The following BHLHE40 variants were observed in gnomAD, a reference collection of about 807,000 sequenced individuals.
BHLHE40 encodes basic helix-loop-helix family member e40.
In BHLHE40, 3 loss-of-function variants were observed where a neutral mutation model predicts 35.7. The ratio of observed to expected loss-of-function variants is 0.08; its 90% CI spans 0.04 to 0.22. The LOEUF (loss-of-function observed/expected upper bound fraction) is 0.22. Among genes scored for constraint, BHLHE40 ranks in the 10% least tolerant of loss-of-function variants. The pLI is 1.00. For synonymous variants in BHLHE40, 236 were observed against 213.0 expected (o/e 1.11, Z -0.94); for missense variants, 486 against 524.0 (o/e 0.93, Z 0.71).
At chr3:4,980,523 GGCGGGTGGCTCT>G in intron 3 of BHLHE40, 115 bp downstream of exon 3, 1 of 840,402 alleles carries the variant, frequency 1.2e-6, no homozygotes, top group Middle Eastern at 2.4e-4. Flanking sequence ...GATCAGAGCT[GGCGGGTGGCTCT>G]GCGGTGGGGT....
Position 4,982,818 on chromosome 3 carries a change from G to C in BHLHE40, c.383-18G>C. 1.2e-6 allele frequency: 2 copies of C among 1,613,462 alleles called. No homozygotes were observed. ...CAGGCCTTCTGAAACGTTTTCCTTC[G>C]GATTTTTCTTTCCCCAGGTGAGCTG... is the stretch of plus-strand genomic sequence containing the variant. On this transcript the variant is annotated intron_variant, in intron 4 of 4. Transcript: ENST00000256495.
rs748249405 is a variant in BHLHE40, at chr3:4,983,742, A to C, written c.*50A>C. The stretch of plus-strand genomic sequence containing the variant: ...TGCTTTCCTTCCTCGCTACTTCCTA[A>C]AAAGCAACAAAAAAGTTTTTGTGAA... On this transcript the variant is annotated 3_prime_UTR_variant, in exon 5 of 5. Transcript: ENST00000256495. This position sits in a 1 kb window ranked among gnomAD's most constrained non-coding sequence, Gnocchi z 5.0. The C allele has an allele frequency of 6.6e-7, 1 of 1,525,948 alleles. No individual in the cohort carries two copies. The highest frequency in any genetic ancestry group is 8.7e-7 in the Non-Finnish European group (1 of 1,143,938). The allele number at this position is 1,525,948 out of a possible 1,614,324, so 94.5% of individuals were successfully genotyped here. A position where few individuals can be genotyped will look rare whatever the true frequency, so the allele number is the denominator to read the frequency against.
At position 4,982,940 on chromosome 3, in the gene BHLHE40, A is replaced by C. The variant is rs2053210480; in HGVS notation, c.487A>C (p.Thr163Pro). ...VLQYLAKHEN[T>P]RDLKSSQLVT... Reference sequence around the variant, plus strand: ...TCAGTATCTGGCCAAGCACGAGAACACTCGGGACCTGAAGTCTTCGCAGCT... The same window carrying C: ...TCAGTATCTGGCCAAGCACGAGAACCCTCGGGACCTGAAGTCTTCGCAGCT... The change falls in exon 5 of 5, where the codon ACT becomes CCT. Residue 163 changes from threonine to proline, a missense_variant. By Grantham distance (38) the Thr-to-Pro change is conservative. Transcript: ENST00000256495. 6.2e-7 allele frequency: 1 copy of C among 1,614,006 alleles called. No individual in the cohort carries two copies. The highest frequency in any genetic ancestry group is 1.1e-5 in the South Asian group (1 of 91,064).
chr3:4,981,230 ATCTG>A (rs773402909), intron 3 of BHLHE40, among the ~76,000 whole-genome samples, 158 bp from the exon 4 acceptor site: 31 of 149,670 alleles, frequency 2.1e-4, no homozygotes, highest in Non-Finnish European at 7.4e-5. Context: ...ATATGAGTGT[ATCTG>A]TCTATCTTTT....
rs939550974 is a variant in BHLHE40, at chr3:4,981,531, G to C, written c.382+16G>C. 4 of 1,612,696 alleles carry C rather than the reference G, an allele frequency of 2.5e-6. No homozygotes were observed. Among genetic ancestry groups the C allele is most frequent in the African/African-American group, 2.7e-5 (2 of 74,868 alleles). ...TTACAAGCTGGTGAGTGCTGATTCT[G>C]GCTATGCTCTCTTTAAGAGTTTGAG... On this transcript the variant is annotated intron_variant, in intron 4 of 4. Coordinates refer to ENST00000256495, the MANE Select transcript of BHLHE40 (RefSeq NM_003670.3).
At position 4,983,860 on chromosome 3, in the gene BHLHE40, GCGT is replaced by G; in HGVS notation, c.*169_*171del. 1.5e-6 allele frequency: 1 copy of G among 681,840 alleles called. No individual in the cohort carries two copies. Among genetic ancestry groups the G allele is most frequent in the Non-Finnish European group, 2.2e-6 (1 of 455,084 alleles). 42.2% of individuals were successfully genotyped at this position (681,840 alleles called of 1,614,324 possible). On this transcript the variant is annotated 3_prime_UTR_variant, in exon 5 of 5. Coordinates refer to ENST00000256495, the MANE Select transcript of BHLHE40 (RefSeq NM_003670.3). The surrounding 1 kb of genome is among the most constrained non-coding windows in gnomAD (Gnocchi z 5.0). ...TGTGTGTGTGTGTGTGTGTGTATGT[GCGT>G]GTGCGTGCACATGTGTGCCTGCGTG...
In BHLHE40 at chr3:4,979,652, G is replaced by A. The variant is rs2053171388; in HGVS notation, c.-67G>A. On this transcript the variant is annotated 5_prime_UTR_variant, in exon 1 of 5. Coordinates refer to ENST00000256495, the MANE Select transcript of BHLHE40 (RefSeq NM_003670.3). ...GAGAGACCCCCGAAGCCCTCTCCAG[G>A]GCAGTCCTCATCCAGACGCTCCGCT... The A allele has an allele frequency of 6.6e-7, 1 of 1,516,678 alleles. No homozygotes were observed. Among genetic ancestry groups the A allele is most frequent in the Non-Finnish European group, 8.9e-7 (1 of 1,118,704 alleles). The allele number at this position is 1,516,678 out of a possible 1,614,324, so 94.0% of individuals were successfully genotyped here. A position where few individuals can be genotyped will look rare whatever the true frequency, so the allele number is the denominator to read the frequency against.
rs1553562128 is a variant in BHLHE40, at chr3:4,983,850, G to GTGTGTATGTA, written c.*167_*168insATGTGTATGT. On this transcript the variant is annotated 3_prime_UTR_variant, in exon 5 of 5. Coordinates refer to ENST00000256495, the MANE Select transcript of BHLHE40 (RefSeq NM_003670.3). The surrounding 1 kb of genome is among the most constrained non-coding windows in gnomAD (Gnocchi z 5.0). Reference sequence around the variant, plus strand: ...TCAGGGTGTGTGTGTGTGTGTGTGTGTGTGTATGTGCGTGTGCGTGCACAT... The same window carrying GTGTGTATGTA: ...TCAGGGTGTGTGTGTGTGTGTGTGTGTGTGTATGTATGTGTATGTGCGTGTGCGTGCACAT... 1.4e-5 allele frequency: 13 copies of GTGTGTATGTA among 957,610 alleles called. No homozygotes were observed. Among genetic ancestry groups the GTGTGTATGTA allele is most frequent in the Admixed American group, 8.4e-5 (3 of 35,678 alleles). The allele number at this position is 957,610 out of a possible 1,614,324, so 59.3% of individuals were successfully genotyped here.
chr3:4,983,311 C>A lies in BHLHE40; in HGVS notation c.858C>A (p.Pro286=), dbSNP rs757872715. The change falls in exon 5 of 5, where the codon CCC becomes CCA. Residue 286 remains proline, a synonymous_variant. Transcript: ENST00000256495. The surrounding 1 kb of genome is among the most constrained non-coding windows in gnomAD (Gnocchi z 5.0). ...TTAAGCAAGAGTCCGAAGAACCCCC[C>A]ACAAAAAAGAACCGGATGCAGCTTT... ...GAIKQESEEP[P]TKKNRMQLSD... 8 of 1,614,064 alleles carry A rather than the reference C, an allele frequency of 5.0e-6. No homozygotes were observed. The highest frequency in any genetic ancestry group is 2.2e-5 in the East Asian group (1 of 44,898).
rs760539740 is a variant in BHLHE40 at position 4,983,635 on chromosome 3, T to G, written c.1182T>G (p.Ser394=). Reference sequence around the variant, plus strand: ...CAGCTCATCCGTCCGTCGACTCTTCTGTCTTGCTCCAAGCTCTGAAGCCAA... The same window carrying G: ...CAGCTCATCCGTCCGTCGACTCTTCGGTCTTGCTCCAAGCTCTGAAGCCAA... ...PLPAHPSVDS[S]VLLQALKPIP... The change falls in exon 5 of 5, where the codon TCT becomes TCG. Residue 394 remains serine, a synonymous_variant. Coordinates refer to ENST00000256495, the MANE Select transcript of BHLHE40 (RefSeq NM_003670.3). This position sits in a 1 kb window ranked among gnomAD's most constrained non-coding sequence, Gnocchi z 5.0. 9.0e-5 allele frequency: 146 copies of G among 1,614,154 alleles called. 2 individuals carry two copies. Among genetic ancestry groups the G allele is most frequent in the South Asian group, 6.7e-4 (61 of 91,084 alleles).
intron 3 of BHLHE40, among the ~76,000 whole-genome samples, chr3:4,981,020 A>G (rs2106496868): frequency 6.6e-6 from 1 of 152,164 alleles, no homozygotes; most frequent in South Asian, 2.1e-4. Context: ...ACTGCAGGAA[A>G]ATGTTATCTC....
chr3:4,979,750 C>G lies in BHLHE40; in HGVS notation c.32C>G (p.Pro11Arg), dbSNP rs761756861. The G allele has an allele frequency of 3.2e-6, 5 of 1,579,156 alleles. No individual in the cohort carries two copies. Among genetic ancestry groups the G allele is most frequent in the African/African-American group, 1.4e-5 (1 of 73,826 alleles). The change falls in exon 1 of 5, where the codon CCC becomes CGC. Residue 11 changes from proline (P) to arginine (R), a missense_variant. By Grantham distance (103) the Pro-to-Arg change is moderately radical. Coordinates refer to ENST00000256495, the MANE Select transcript of BHLHE40 (RefSeq NM_003670.3). MERIPSAQPP[P>R]ACLPKAPGLE... ...CGGATCCCCAGCGCGCAACCACCCCCCGCCTGCCTGCCCAAAGCACCGGGA... is the reference window on the plus strand; with the variant it reads ...CGGATCCCCAGCGCGCAACCACCCCGCGCCTGCCTGCCCAAAGCACCGGGA...
intron 2 of BHLHE40, 74 bp downstream of exon 2, chr3:4,980,105 G>C (rs1237010727): frequency 6.5e-7 from 1 of 1,533,122 alleles, no homozygotes; most frequent in East Asian, 2.3e-5. Flanking sequence ...AAGTTTTCTC[G>C]CTTTGAGGTT....
rs1249528963 is a variant in BHLHE40, at chr3:4,984,145, A to G, written c.*453A>G. On this transcript the variant is annotated 3_prime_UTR_variant, in exon 5 of 5. Coordinates refer to ENST00000256495, the MANE Select transcript of BHLHE40 (RefSeq NM_003670.3). Reference sequence around the variant, plus strand: ...GAGGGCTTTCCAGGGCTCAGCTCCCAACCAGCTGTTAGGACCCCACCCTTT... The same window carrying G: ...GAGGGCTTTCCAGGGCTCAGCTCCCGACCAGCTGTTAGGACCCCACCCTTT... The G allele has an allele frequency of 6.3e-6, 1 of 157,518 alleles. No homozygotes were observed. The highest frequency in any genetic ancestry group is 2.4e-5 in the African/African-American group (1 of 41,486). The allele number at this position is 157,518 out of a possible 1,614,324, so 9.8% of individuals were successfully genotyped here. A position where few individuals can be genotyped will look rare whatever the true frequency, so the allele number is the denominator to read the frequency against.
At position 4,983,580 on chromosome 3, in the gene BHLHE40, T is replaced by C. The variant is rs768995124; in HGVS notation, c.1127T>C (p.Leu376Pro). The C allele has an allele frequency of 6.2e-7, 1 of 1,614,196 alleles. No homozygotes were observed. The highest frequency in any genetic ancestry group is 8.5e-7 in the Non-Finnish European group (1 of 1,180,034). ...CCAGACAAGATCTCGGCTCCCTTGC[T>C]CATGCCCCAGAGACTCCCTTCTCCC... Reference protein sequence around the residue: ...MNPDKISAPLLMPQRLPSPLP... With the variant: ...MNPDKISAPLPMPQRLPSPLP... Residue 376 changes from leucine to proline, a missense_variant, in exon 5 of 5, where the codon CTC becomes CCC. This residue lies in a region of BHLHE40 where 206 missense variants were observed against 208.9 expected (regional missense o/e 0.99). Transcript: ENST00000256495. The surrounding 1 kb of genome is among the most constrained non-coding windows in gnomAD (Gnocchi z 5.0).
chr3:4,980,852 G>A (rs1460264278), intron 3 of BHLHE40, among the ~76,000 whole-genome samples: 1 of 150,258 alleles, frequency 6.7e-6, no homozygotes, highest in Non-Finnish European at 1.5e-5. Flanking sequence ...CGGCTACTTC[G>A]CAGCCTTTGG....
At position 4,983,315 on chromosome 3, in the gene BHLHE40, A is replaced by G; in HGVS notation, c.862A>G (p.Lys288Glu). 6.2e-7 allele frequency: 1 copy of G among 1,614,198 alleles called. No homozygotes were observed. Among genetic ancestry groups the G allele is most frequent in the African/African-American group, 1.3e-5 (1 of 75,054 alleles). Residue 288 changes from lysine (K) to glutamate (E), a missense_variant, in exon 5 of 5, where the codon AAA (lysine) becomes GAA (glutamate). Physicochemically the swap from Lys to Glu is moderately conservative, Grantham distance 56 (BLOSUM62 1). Transcript: ENST00000256495. This position sits in a 1 kb window ranked among gnomAD's most constrained non-coding sequence, Gnocchi z 5.0. Reference protein sequence around the residue: ...IKQESEEPPTKKNRMQLSDDE... With the variant: ...IKQESEEPPTEKNRMQLSDDE... Reference sequence around the variant, plus strand: ...GCAAGAGTCCGAAGAACCCCCCACAAAAAAGAACCGGATGCAGCTTTCGGA... The same window carrying G: ...GCAAGAGTCCGAAGAACCCCCCACAGAAAAGAACCGGATGCAGCTTTCGGA...
At chr3:4,981,601 T>G (rs1559236823) in intron 4 of BHLHE40, 86 bp downstream of exon 4, 2 of 1,497,170 alleles carry the variant, frequency 1.3e-6, no homozygotes, top group Non-Finnish European at 1.8e-6. Flanking sequence ...GTAATAAACA[T>G]TACTGCAACA....
At position 4,984,528 on chromosome 3, in the gene BHLHE40, C is replaced by G. The variant is rs1300809948; in HGVS notation, c.*836C>G. 1 of 152,344 alleles carries G rather than the reference C, an allele frequency of 6.6e-6. No homozygotes were observed. The highest frequency in any genetic ancestry group is 6.5e-5 in the Admixed American group (1 of 15,280). The allele number at this position is 152,344 out of a possible 1,614,324, so 9.4% of individuals were successfully genotyped here. On this transcript the variant is annotated 3_prime_UTR_variant, in exon 5 of 5. Transcript: ENST00000256495. ...GTCTGAGAAATGCGGACACCCCGAG[C>G]GAGCACCCCAAAGTGCACAAAGCTG...
Sources: gnomAD v4.1 joint callset for allele counts (sites outside exome capture counted in the v4.1 genomes callset) on GRCh38, gnomAD v4.1.1 for gene constraint, gnomAD v4.1.1 regional missense constraint, Gnocchi (gnomAD v3.1) non-coding constraint, MANE v1.5 for transcripts, NCBI Gene and HGNC (gene_info 2026-07-23, HGNC 2026-07-21) for gene names.